Variants in OTOGL observed in about 807,000 individuals in gnomAD.
The protein encoded by OTOGL is otogelin-like protein.
Under a neutral mutation model 318.5 loss-of-function variants are expected in OTOGL, and 285 were observed. The ratio of observed to expected loss-of-function variants is 0.89; its 90% CI spans 0.81 to 0.99. The LOEUF (loss-of-function observed/expected upper bound fraction) is 0.99. Ranked by LOEUF, OTOGL falls within the 50% of genes least tolerant of loss-of-function variation. OTOGL has a pLI of 0.00. For synonymous variants in OTOGL, 987 were observed against 936.5 expected, an observed-to-expected ratio of 1.05 and a Z score of -0.99; for missense variants, 2,899 against 2,845.6, an observed-to-expected ratio of 1.02 and a Z score of -0.43.
At chr12:80,205,789 A>C (rs953108602) in intron 1 of OTOGL, among the ~76,000 whole-genome samples, 2 of 152,238 alleles carry the variant, frequency 1.3e-5, no homozygotes, top group Admixed American at 6.5e-5. Context: ...TTTGTTGTCA[A>C]TTGATGAAAA....
intron 1 of OTOGL, among the ~76,000 whole-genome samples, chr12:80,126,735 G>C (rs1592473287): frequency 6.6e-6 from 1 of 152,154 alleles, no homozygotes; most frequent in South Asian, 2.1e-4. Flanking sequence ...TGTATTGGGT[G>C]CATATATATT....
intron 55 of OTOGL, among the ~76,000 whole-genome samples, chr12:80,369,774 C>G (rs1253164764): frequency 1.3e-5 from 2 of 151,824 alleles, no homozygotes; most frequent in Admixed American, 6.6e-5. Context: ...ACAACATGCC[C>G]CCACCATGGC....
At chr12:80,267,174 G>C in intron 21 of OTOGL, 79 bp from the exon 22 acceptor site, 2 of 818,226 alleles carry the variant, frequency 2.4e-6, no homozygotes, top group Non-Finnish European at 3.7e-6. Context: ...ATGACCAATG[G>C]AGAGCACAAG....
chr12:80,350,566 G>A (rs551489824), intron 44 of OTOGL, among the ~76,000 whole-genome samples: 28 of 152,264 alleles, frequency 1.8e-4, no homozygotes, highest in African/African-American at 5.8e-4. Flanking sequence ...GCCAATGATC[G>A]TTATTTTCTG....
intron 26 of OTOGL, among the ~76,000 whole-genome samples, chr12:80,288,002 T>C (rs1264957635): frequency 1.3e-5 from 2 of 152,198 alleles, no homozygotes; most frequent in Non-Finnish European, 2.9e-5. Flanking sequence ...TCATTGGTCT[T>C]TATATTTTGA....
chr12:80,264,552 G>T (rs116964006), intron 19 of OTOGL, among the ~76,000 whole-genome samples: 1 of 152,268 alleles, frequency 6.6e-6, no homozygotes, highest in East Asian at 1.9e-4. Flanking sequence ...TCATTTCAGA[G>T]ACTCCATTGA....
intron 1 of OTOGL, chr12:80,189,333 T>G: frequency 1.5e-6 from 1 of 658,400 alleles, no homozygotes; most frequent in Non-Finnish European, 1.9e-6. Flanking sequence ...TTAATGTTTA[T>G]TTTCTTTTAG....
chr12:80,275,353 T>G (rs796265874), intron 24 of OTOGL, among the ~76,000 whole-genome samples: 8 of 151,978 alleles, frequency 5.3e-5, no homozygotes, highest in African/African-American at 1.9e-4. Context: ...GCAAAGGAAA[T>G]AGCAAGAGAA....
At chr12:80,336,277 C>G in intron 39 of OTOGL, 136 bp from the exon 40 acceptor site, 2 of 1,339,980 alleles carry the variant, frequency 1.5e-6, no homozygotes, top group Non-Finnish European at 2.0e-6. Flanking sequence ...ATGATTTTGG[C>G]TCACAGTATA....
rs2137230614 is a variant in OTOGL at position 80,177,122 on chromosome 12, T to A, written c.-19-32291T>A. On this transcript the variant is annotated intron_variant, in intron 1 of 58. Coordinates refer to ENST00000547103, the MANE Select transcript of OTOGL (RefSeq NM_001378609.3). ...ATGTTTTTCAAATGTTTCCTCTCAA[T>A]GTTAAAGAGTATTAAAATTTGATGA... Among the ~76,000 whole-genome samples the A allele has an allele frequency of 2.0e-5, 3 of 152,290 alleles. No individual in the cohort carries two copies. In the South Asian group the frequency reaches 6.2e-4, roughly 32 times the overall value.
At chr12:80,346,078 G>T (rs773422333) in intron 44 of OTOGL, among the ~76,000 whole-genome samples, 1 of 152,128 alleles carries the variant, frequency 6.6e-6, no homozygotes. Context: ...GATTTCTTAC[G>T]TGGATATTAA....
At chr12:80,283,515 A>G (rs1322216357) in intron 26 of OTOGL, among the ~76,000 whole-genome samples, 1 of 152,094 alleles carries the variant, frequency 6.6e-6, no homozygotes, top group African/African-American at 2.4e-5. Context: ...GATTATTTTT[A>G]TATACTCATC....
chr12:80,231,363 T>G (rs1474099221), intron 8 of OTOGL, among the ~76,000 whole-genome samples: 2 of 152,158 alleles, frequency 1.3e-5, no homozygotes, highest in Non-Finnish European at 2.9e-5. Flanking sequence ...TTTCTAGTTT[T>G]GTAAATAATT....
Position 80,314,324 on chromosome 12 carries a change from C to A in OTOGL, c.3627C>A (p.Tyr1209Ter). The change falls in exon 32 of 59, where the codon TAC becomes TAA. Residue 1209 changes from tyrosine to a stop codon, truncating the protein, a stop_gained. Transcript: ENST00000547103. LOFTEE classifies it high-confidence loss of function. ...STVCSLDCEY[Y>*]NEGLGEGPYM... ...TTTTAGCACTTGATTGTGAATACTA[C>A]AATGAAGGTATGTGACATTCAAATT... 9.6e-7 allele frequency: 1 copy of A among 1,043,932 alleles called. No homozygotes were observed. Among genetic ancestry groups the A allele is most frequent in the Non-Finnish European group, 1.3e-6 (1 of 780,054 alleles). The allele number at this position is 1,043,932 out of a possible 1,614,324, so 64.7% of individuals were successfully genotyped here. A position where few individuals can be genotyped will look rare whatever the true frequency, so the allele number is the denominator to read the frequency against.
intron 7 of OTOGL, among the ~76,000 whole-genome samples, chr12:80,225,311 C>T (rs1274481124): frequency 6.6e-6 from 1 of 151,970 alleles, no homozygotes; most frequent in East Asian, 1.9e-4. Context: ...TTCAGTGTCC[C>T]ACTCTTTTGA....
chr12:80,171,864 T>C (rs1874226797), intron 1 of OTOGL, among the ~76,000 whole-genome samples: 1 of 152,136 alleles, frequency 6.6e-6, no homozygotes, highest in Admixed American at 6.5e-5. Context: ...CTATTATTCT[T>C]CTTAGTTTCA....
chr12:80,252,172 A>G lies in OTOGL; in HGVS notation c.1256A>G (p.His419Arg), dbSNP rs1227871205. 1.3e-6 allele frequency: 2 copies of G among 1,596,654 alleles called. No homozygotes were observed. Among genetic ancestry groups the G allele is most frequent in the Non-Finnish European group, 1.7e-6 (2 of 1,170,448 alleles). Residue 419 changes from histidine to arginine, a missense_variant, in exon 13 of 59, where the codon CAT (histidine) becomes CGT (arginine). His to Arg is a conservative substitution (Grantham distance 29, BLOSUM62 0). Around this residue, in one of 3 missense-constraint regions of OTOGL, gnomAD observed 2,607 missense variants for 2,524.9 expected, o/e 1.03. Coordinates refer to ENST00000547103, the MANE Select transcript of OTOGL (RefSeq NM_001378609.3). ...AAGCAATGTCTTGGGAGCAATCTCC[A>G]TTGTCTTGATGGATGTTACTGCCCA... ...FEKQCLGSNLHCLDGCYCPDG... is the reference protein window; with the variant it reads ...FEKQCLGSNLRCLDGCYCPDG...
chr12:80,124,399 C>T (rs1870680530), intron 1 of OTOGL, among the ~76,000 whole-genome samples: 1 of 152,078 alleles, frequency 6.6e-6, no homozygotes, highest in Non-Finnish European at 1.5e-5. Flanking sequence ...TGGTCTATAT[C>T]TCTGTTTTGG....
At chr12:80,373,598 G>C (rs1357517605) in intron 57 of OTOGL, among the ~76,000 whole-genome samples, 1 of 151,630 alleles carries the variant, frequency 6.6e-6, no homozygotes, top group African/African-American at 2.4e-5. Flanking sequence ...TAGATATGTA[G>C]AGTCATACTG....
Sources: allele counts gnomAD v4.1 joint callset (sites outside exome capture counted in the v4.1 genomes callset), GRCh38; gene constraint gnomAD v4.1.1; regional missense constraint gnomAD v4.1.1; transcripts MANE v1.5; gene names NCBI Gene and HGNC (gene_info 2026-07-23, HGNC 2026-07-21).